The following PRDM5 variants were observed in gnomAD, a reference collection of about 807,000 sequenced individuals.
The protein encoded by PRDM5 is PR/SET domain 5.
A neutral mutation model predicts 81.2 loss-of-function variants in PRDM5; 56 were observed. The ratio of observed to expected loss-of-function variants is 0.69; its 90% confidence interval spans 0.56 to 0.86. PRDM5 has a LOEUF of 0.86. Ranked by LOEUF, PRDM5 falls within the 40% of genes least tolerant of loss-of-function variation. The pLI, the probability that PRDM5 is intolerant of heterozygous loss-of-function variation, is 0.00. For missense variants in PRDM5, 697 were observed against 770.1 expected (o/e 0.91, Z 1.12); for synonymous variants, 267 against 256.4 (o/e 1.04, Z -0.39).
intron 14 of PRDM5, 120 bp from the exon 15 acceptor site, chr4:120,710,533 G>A: frequency 1.2e-6 from 1 of 818,692 alleles, no homozygotes; most frequent in Admixed American, 2.0e-5. Flanking sequence ...CAGGTATGCT[G>A]ATATGGTTTG....
chr4:120,716,084 G>A (rs568285737), intron 14 of PRDM5, among the ~76,000 whole-genome samples: 9 of 152,236 alleles, frequency 5.9e-5, no homozygotes, highest in East Asian at 3.9e-4. Context: ...ATGCAAACAC[G>A]TATTAATCAT....
Position 120,785,082 on chromosome 4 carries a change from C to T in PRDM5, c.1198G>A (p.Glu400Lys), listed in dbSNP as rs1435763293. 6.2e-7 allele frequency: 1 copy of T among 1,610,316 alleles called. No homozygotes were observed. The highest frequency in any genetic ancestry group is 1.3e-5 in the African/African-American group (1 of 74,922). Reference sequence around the variant, plus strand: ...TCTTCACATTGGAACGGTCTCTCCTCAGAGTGGGTCTGCAGAGGAAAAACA... The same window carrying T: ...TCTTCACATTGGAACGGTCTCTCCTTAGAGTGGGTCTGCAGAGGAAAAACA... Reference protein sequence around the residue: ...VYKNHKKTHSEERPFQCEECK... With the variant: ...VYKNHKKTHSKERPFQCEECK... The change falls in exon 11 of 16, where the codon GAG (glutamate) becomes AAG (lysine). Residue 400 changes from glutamate (E) to lysine (K), a missense_variant. Physicochemically the swap from Glu to Lys is moderately conservative, Grantham distance 56. Around this residue, in one of 3 missense-constraint regions of PRDM5, gnomAD observed 577 missense variants for 606.7 expected, o/e 0.95. Coordinates refer to ENST00000264808, the MANE Select transcript of PRDM5 (RefSeq NM_018699.4).
chr4:120,703,167 T>C (rs553031991), intron 15 of PRDM5, among the ~76,000 whole-genome samples: 1 of 152,268 alleles, frequency 6.6e-6, no homozygotes, highest in South Asian at 2.1e-4. Flanking sequence ...TGTTAATTCA[T>C]GTATTTTGTT....
chr4:120,723,440 TTCCCTGCATA>T (rs148923198), intron 14 of PRDM5, among the ~76,000 whole-genome samples: 3,519 of 152,234 alleles, frequency 0.023, 129 homozygotes, highest in African/African-American at 0.08. Context: ...AATTACTTCT[TTCCCTGCATA>T]ATGACTAAGT....
At chr4:120,917,752 T>G (rs1053631801) in intron 1 of PRDM5, among the ~76,000 whole-genome samples, 7 of 151,934 alleles carry the variant, frequency 4.6e-5, no homozygotes, top group African/African-American at 1.5e-4. Context: ...AAGTGTGAGA[T>G]GATGAAGTGA....
At chr4:120,748,573 C>T (rs1350303377) in intron 14 of PRDM5, among the ~76,000 whole-genome samples, 1 of 151,194 alleles carries the variant, frequency 6.6e-6, no homozygotes, top group East Asian at 2.0e-4. Flanking sequence ...CCCAGGAGTT[C>T]AAGGTTGCAG....
At chr4:120,766,761 C>A (rs1158054260) in intron 13 of PRDM5, among the ~76,000 whole-genome samples, 1 of 152,124 alleles carries the variant, frequency 6.6e-6, no homozygotes, top group Non-Finnish European at 1.5e-5. Context: ...CTTTGCTTGG[C>A]ATTATTTCAA....
rs1223885670 is a variant in PRDM5, at chr4:120,791,014, C to G, written c.1189-5923G>C. 2.0e-5 allele frequency among the ~76,000 whole-genome samples: 3 copies of G among 152,152 alleles called. No homozygotes were observed. In the South Asian group the frequency reaches 6.2e-4, roughly 31 times the overall value. On this transcript the variant is annotated intron_variant, in intron 10 of 15. Coordinates refer to ENST00000264808, the MANE Select transcript of PRDM5 (RefSeq NM_018699.4). ...ATCACTGATAAAATGTAATGAGAAT[C>G]ACTTTTTAATTCTCAGACTGAAAAT... is the stretch of plus-strand genomic sequence containing the variant.
intron 1 of PRDM5, among the ~76,000 whole-genome samples, chr4:120,911,326 C>T (rs995226726): frequency 6.6e-6 from 1 of 152,140 alleles, no homozygotes; most frequent in African/African-American, 2.4e-5. Flanking sequence ...AAGAACTCAA[C>T]ACTTTGTGCA....
chr4:120,816,536 C>G lies in PRDM5; in HGVS notation c.782G>C (p.Arg261Thr), dbSNP rs752117736. Residue 261 changes from arginine to threonine, a missense_variant, in exon 7 of 16, where the codon AGG (arginine) becomes ACG (threonine). Arg to Thr is a moderately conservative substitution (Grantham distance 71). Transcript: ENST00000264808. Reference sequence around the variant, plus strand: ...ACAGCTGTCAGCCTTGCACACAAACCTGGCATCCCCCCGGCAAGTCTCCTG... The same window carrying G: ...ACAGCTGTCAGCCTTGCACACAAACGTGGCATCCCCCCGGCAAGTCTCCTG... Reference protein sequence around the residue: ...QHQETCRGDARFVCKADSCGK... With the variant: ...QHQETCRGDATFVCKADSCGK... 5 of 1,614,138 alleles carry G rather than the reference C, an allele frequency of 3.1e-6. No individual in the cohort carries two copies. The South Asian group carries it at 5.5e-5, about 18-fold the overall frequency.
chr4:120,710,586 A>G (rs1255715024), intron 14 of PRDM5, among the ~76,000 whole-genome samples, 173 bp from the exon 15 acceptor site: 1 of 152,136 alleles, frequency 6.6e-6, no homozygotes, highest in Non-Finnish European at 1.5e-5. Context: ...TAGTTCCCAT[A>G]ATCCCCATAT....
intron 2 of PRDM5, among the ~76,000 whole-genome samples, chr4:120,867,762 C>T (rs1208243886): frequency 1.3e-5 from 2 of 152,204 alleles, no homozygotes; most frequent in Admixed American, 6.5e-5. Context: ...TAAAATAAGT[C>T]ATCTAAAATT....
At chr4:120,803,466 G>T (rs1752428842) in intron 8 of PRDM5, among the ~76,000 whole-genome samples, 1 of 152,168 alleles carries the variant, frequency 6.6e-6, no homozygotes, top group Non-Finnish European at 1.5e-5. Flanking sequence ...GAAAGGTCGG[G>T]TTACCCAGAA....
chr4:120,703,254 T>C (rs1292737375), intron 15 of PRDM5, among the ~76,000 whole-genome samples: 2 of 152,252 alleles, frequency 1.3e-5, no homozygotes, highest in Admixed American at 6.5e-5. Context: ...GGTCTGATCA[T>C]AGCTCACTGC....
At chr4:120,787,710 A>G (rs928012912) in intron 10 of PRDM5, among the ~76,000 whole-genome samples, 1 of 152,212 alleles carries the variant, frequency 6.6e-6, no homozygotes, top group Non-Finnish European at 1.5e-5. Flanking sequence ...GAGCAATGCA[A>G]TGATGGATTA....
chr4:120,765,620 C>T (rs1348443456), intron 13 of PRDM5, among the ~76,000 whole-genome samples: 2 of 152,188 alleles, frequency 1.3e-5, no homozygotes, highest in African/African-American at 4.8e-5. Flanking sequence ...GAACATTCCC[C>T]TTCAATGAAG....
At chr4:120,709,321 T>C (rs181629551) in intron 15 of PRDM5, among the ~76,000 whole-genome samples, 52 of 152,340 alleles carry the variant, frequency 3.4e-4, no homozygotes, top group African/African-American at 1.2e-3. Flanking sequence ...GCTGTAGCTC[T>C]GTTCAGTATA....
intron 8 of PRDM5, among the ~76,000 whole-genome samples, chr4:120,808,346 A>G (rs1325618367): frequency 1.3e-5 from 2 of 152,134 alleles, no homozygotes; most frequent in African/African-American, 4.8e-5. Context: ...GTGTGGACAC[A>G]AAAGTTCTCC....
intron 14 of PRDM5, among the ~76,000 whole-genome samples, chr4:120,751,026 T>C (rs537226475): frequency 3.3e-5 from 5 of 152,322 alleles, no homozygotes; most frequent in African/African-American, 9.6e-5. Flanking sequence ...AAATGTGTTA[T>C]GGCCCAAGTG....
Sources: allele counts gnomAD v4.1 joint callset (sites outside exome capture counted in the v4.1 genomes callset), GRCh38; gene constraint gnomAD v4.1.1; regional missense constraint gnomAD v4.1.1; transcripts MANE v1.5; gene names NCBI Gene and HGNC (gene_info 2026-07-23, HGNC 2026-07-21).